SEPSECS: variants seen among roughly 807,000 people sequenced by gnomAD.
SEPSECS encodes O-phosphoseryl-tRNA(Sec) selenium transferase.
A neutral mutation model predicts 52.1 loss-of-function variants in SEPSECS; 42 were observed. That is an observed-to-expected ratio of 0.81 (90% CI 0.63 to 1.04). The LOEUF (loss-of-function observed/expected upper bound fraction) is 1.04. Among genes scored for constraint, SEPSECS ranks in the 50% least tolerant of loss-of-function variants. SEPSECS has a pLI of 0.00. For missense variants in SEPSECS, 590 were observed against 610.6 expected (o/e 0.97, Z 0.36); for synonymous variants, 216 against 211.4 (o/e 1.02, Z -0.19).
At chr4:25,159,954 C>G (rs1712959465) in intron 1 of SEPSECS, 1 of 985,286 alleles carries the variant, frequency 1.0e-6, no homozygotes, top group Non-Finnish European at 1.2e-6. Flanking sequence ...TTGCCCTTTC[C>G]GCGAATAAAA....
chr4:25,147,219 C>A (rs1327203418), intron 6 of SEPSECS, among the ~76,000 whole-genome samples: 1 of 152,216 alleles, frequency 6.6e-6, no homozygotes, highest in Non-Finnish European at 1.5e-5. Flanking sequence ...TCCTAGATCA[C>A]TCCATCTAAT....
chr4:25,124,788 G>T (rs1004403762), intron 10 of SEPSECS, among the ~76,000 whole-genome samples: 5 of 151,998 alleles, frequency 3.3e-5, no homozygotes. Flanking sequence ...TGTTTATAGT[G>T]GGGTGGTAGT....
At chr4:25,143,645 C>T (rs1711750346) in intron 8 of SEPSECS, among the ~76,000 whole-genome samples, 1 of 152,020 alleles carries the variant, frequency 6.6e-6, no homozygotes, top group Non-Finnish European at 1.5e-5. Flanking sequence ...CACAATTAAA[C>T]AATTACTATC....
intron 8 of SEPSECS, among the ~76,000 whole-genome samples, chr4:25,134,802 G>C (rs922557841): frequency 6.6e-6 from 1 of 151,976 alleles, no homozygotes; most frequent in Non-Finnish European, 1.5e-5. Flanking sequence ...TATAATGGCA[G>C]CATATAGAAA....
At chr4:25,157,065 AC>A (rs1322684445) in intron 2 of SEPSECS, 91 bp from the exon 3 acceptor site, 1 of 788,498 alleles carries the variant, frequency 1.3e-6, no homozygotes, top group Non-Finnish European at 2.3e-6. Context: ...AACCAAAAAA[AC>A]ACCAGGAGCA....
intron 8 of SEPSECS, among the ~76,000 whole-genome samples, chr4:25,134,476 T>A (rs562155608): frequency 6.6e-5 from 10 of 152,088 alleles, no homozygotes; most frequent in Admixed American, 3.3e-4. Flanking sequence ...TCAACAAACA[T>A]ATGATGAGCA....
At position 25,125,792 on chromosome 4, in the gene SEPSECS, A is replaced by T. The variant is rs765059074; in HGVS notation, c.1121-8T>A. 1.9e-6 allele frequency: 3 copies of T among 1,586,362 alleles called. No homozygotes were observed. The highest frequency in any genetic ancestry group is 1.7e-6 in the Non-Finnish European group (2 of 1,156,018). ...GTGTTTTAAGTGTCATAGCTGAAAAAGAAAAAAGTATCCTAATAAGCCTTG... is the reference window on the plus strand; with the variant it reads ...GTGTTTTAAGTGTCATAGCTGAAAATGAAAAAAGTATCCTAATAAGCCTTG... On this transcript the variant is annotated splice_region_variant and splice_polypyrimidine_tract_variant and intron_variant, in intron 9 of 10. Transcript: ENST00000382103.
intron 8 of SEPSECS, among the ~76,000 whole-genome samples, chr4:25,139,499 C>T (rs1728974859): frequency 6.8e-6 from 1 of 148,104 alleles, no homozygotes; most frequent in Non-Finnish European, 1.5e-5. Flanking sequence ...TGATTCTCTG[C>T]CTCAGCCTCC....
At chr4:25,140,578 A>G (rs1729020870) in intron 8 of SEPSECS, among the ~76,000 whole-genome samples, 1 of 152,206 alleles carries the variant, frequency 6.6e-6, no homozygotes, top group African/African-American at 2.4e-5. Context: ...CCTCATAAGA[A>G]TATTTTAAGG....
chr4:25,141,738 A>C (rs528027901), intron 8 of SEPSECS, among the ~76,000 whole-genome samples: 8 of 152,284 alleles, frequency 5.3e-5, no homozygotes, highest in African/African-American at 1.9e-4. Flanking sequence ...TTCACTCAGA[A>C]TATGAGGCAC....
chr4:25,145,688 A>G, intron 6 of SEPSECS, among the ~76,000 whole-genome samples: 1 of 152,172 alleles, frequency 6.6e-6, no homozygotes, highest in Non-Finnish European at 1.5e-5. Flanking sequence ...TATAACTATT[A>G]AGTGGTTTTA....
rs529221715 is a variant in SEPSECS at position 25,155,070 on chromosome 4, T to C, written c.629A>G (p.Gln210Arg). ...TDLKAVEAKV[Q>R]ELGPDCILCI... ...CAGAATGCAATCAGGCCCAAGTTCC[T>C]GGACTTTAGCCTCCACTGCTTTCAG... Residue 210 changes from glutamine to arginine, a missense_variant, in exon 5 of 11, where the codon CAG becomes CGG. Physicochemically the swap from Gln to Arg is conservative, Grantham distance 43. Coordinates refer to ENST00000382103, the MANE Select transcript of SEPSECS (RefSeq NM_016955.4). 6 of 1,614,070 alleles carry C rather than the reference T, an allele frequency of 3.7e-6. No individual in the cohort carries two copies. In the African/African-American group the frequency reaches 4.0e-5, roughly 11 times the overall value.
chr4:25,142,406 A>AG (rs1711625539), intron 8 of SEPSECS, among the ~76,000 whole-genome samples: 1 of 152,196 alleles, frequency 6.6e-6, no homozygotes, highest in Non-Finnish European at 1.5e-5. Flanking sequence ...TTCACCTTCA[A>AG]GCAAACTTTG....
Position 25,129,939 on chromosome 4 carries a change from T to A in SEPSECS, c.1027-2582A>T, listed in dbSNP as rs143235935. Among the ~76,000 whole-genome samples, 299 of 152,342 alleles carry A rather than the reference T, an allele frequency of 2.0e-3. 1 individual carries two copies. The South Asian group carries it at 0.02, about 10-fold the overall frequency. ...CATTTAGATATTAAATGCTGATTTT[T>A]CTTCACTTATATAATTCACCAAAGT... On this transcript the variant is annotated intron_variant, in intron 8 of 10. Coordinates refer to ENST00000382103, the MANE Select transcript of SEPSECS (RefSeq NM_016955.4).
intron 6 of SEPSECS, among the ~76,000 whole-genome samples, chr4:25,145,885 G>C (rs1383788146): frequency 6.6e-6 from 1 of 152,114 alleles, no homozygotes; most frequent in African/African-American, 2.4e-5. Flanking sequence ...CTTAATGGAA[G>C]TTTTATTTGT....
At chr4:25,158,451 G>C (rs1316776367) in intron 2 of SEPSECS, among the ~76,000 whole-genome samples, 1 of 151,898 alleles carries the variant, frequency 6.6e-6, no homozygotes, top group Non-Finnish European at 1.5e-5. Flanking sequence ...TAATGCAAAA[G>C]AAAAAGGTCA....
At chr4:25,127,481 A>G (rs1381238129) in intron 8 of SEPSECS, 124 bp from the exon 9 acceptor site, 3 of 710,576 alleles carry the variant, frequency 4.2e-6, no homozygotes, top group Admixed American at 2.1e-5. Context: ...CTTAAGACCA[A>G]TTCTCTCCTT....
intron 8 of SEPSECS, among the ~76,000 whole-genome samples, chr4:25,127,738 CAGAGACT>C (rs1272520749): frequency 4.6e-5 from 7 of 152,172 alleles, no homozygotes; most frequent in Non-Finnish European, 1.5e-5. Context: ...GTTCTACACT[CAGAGACT>C]AGAGAGGTCT....
chr4:25,147,811 A>T (rs2109024749), intron 6 of SEPSECS, among the ~76,000 whole-genome samples: 1 of 152,328 alleles, frequency 6.6e-6, no homozygotes, highest in African/African-American at 2.4e-5. Context: ...AAATTTATTT[A>T]TACTTTTCTT....
Sources: allele counts gnomAD v4.1 joint callset (sites outside exome capture counted in the v4.1 genomes callset), GRCh38; gene constraint gnomAD v4.1.1; transcripts MANE v1.5; gene names NCBI Gene and HGNC (gene_info 2026-07-23, HGNC 2026-07-21).